GALR2: variants seen among roughly 807,000 people sequenced by gnomAD.
The protein encoded by GALR2 is galanin receptor type 2.
GALR2 carries 5 observed loss-of-function variants against 7.2 expected under a neutral mutation model. The observed-to-expected ratio is 0.69, with a 90% CI of 0.36 to 1.45. GALR2 has a LOEUF of 1.45. GALR2 is among the 40% of genes most tolerant of loss of function. The pLI, the probability that GALR2 is intolerant of heterozygous loss-of-function variation, is 0.03. For missense variants in GALR2, 561 were observed against 555.7 expected (o/e 1.01, Z -0.10); for synonymous variants, 300 against 263.9 (o/e 1.14, Z -1.32).
At chr17:76,072,541 T>C (rs758305640), upstream of GALR2, 53 of 1,552,224 alleles carry the variant, frequency 3.4e-5, no homozygotes, top group Non-Finnish European at 4.5e-5. This position sits in a 1 kb window ranked among gnomAD's most constrained non-coding sequence, Gnocchi z 4.5. Context: ...CGGGACGACC[T>C]GGGCGGGTGA....
chr17:76,074,325 G>A (rs1426032895), upstream of GALR2, among the ~76,000 whole-genome samples: 1 of 152,298 alleles, frequency 6.6e-6, no homozygotes, highest in East Asian at 1.9e-4. This position sits in a 1 kb window ranked among gnomAD's most constrained non-coding sequence, Gnocchi z 6.7. Context: ...CCCCTCATCC[G>A]CCTCCGCCCC....
At chr17:76,073,166 T>C (rs984103628), upstream of GALR2, among the ~76,000 whole-genome samples, 2 of 152,140 alleles carry the variant, frequency 1.3e-5, no homozygotes, top group African/African-American at 4.8e-5. Context: ...GACCTGGGAT[T>C]CCAATCCCCG....
In GALR2 at chr17:76,075,375, A is replaced by G; in HGVS notation, c.368+124A>G. On this transcript the variant is annotated intron_variant, in intron 1 of 1. Transcript: ENST00000329003. The surrounding 1 kb of genome is among the most constrained non-coding windows in gnomAD (Gnocchi z 5.9). ...CAGGACACTAAGAAGGCAGTGGAAG[A>G]CAAGCGGGCGCGGAGGAGGAAAAAG... 1 of 1,060,750 alleles carries G rather than the reference A, an allele frequency of 9.4e-7. No individual in the cohort carries two copies. Among genetic ancestry groups the G allele is most frequent in the Non-Finnish European group, 1.3e-6 (1 of 743,160 alleles). The allele number at this position is 1,060,750 out of a possible 1,614,324, so 65.7% of individuals were successfully genotyped here.
rs2066880593 is a variant in GALR2, at chr17:76,074,935, G to A, written c.52G>A (p.Gly18Arg). Residue 18 changes from glycine (G) to arginine (R), a missense_variant, in exon 1 of 2, where the codon GGG (glycine) becomes AGG (arginine). Gly to Arg is a moderately radical substitution (Grantham distance 125). Transcript: ENST00000329003. The surrounding 1 kb of genome is among the most constrained non-coding windows in gnomAD (Gnocchi z 6.7). ...CGGGAACGCGAGCCAGGCGGGCGGC[G>A]GGGGAGGCTGGCACCCCGAGGCGGT... ...GAGNASQAGGGGGWHPEAVIV... is the reference protein window; with the variant it reads ...GAGNASQAGGRGGWHPEAVIV... 4 of 1,560,782 alleles carry A rather than the reference G, an allele frequency of 2.6e-6. No individual in the cohort carries two copies. The highest frequency in any genetic ancestry group is 1.1e-5 in the South Asian group (1 of 87,038).
At position 76,076,780 on chromosome 17, in the gene GALR2, C is replaced by A. The variant is rs1215875140; in HGVS notation, c.513C>A (p.Asn171Lys). 16 of 1,606,124 alleles carry A rather than the reference C, an allele frequency of 1.0e-5. No individual in the cohort carries two copies. The highest frequency in any genetic ancestry group is 1.4e-5 in the Non-Finnish European group (16 of 1,179,874). The change falls in exon 2 of 2, where the codon AAC becomes AAA. Residue 171 changes from asparagine to lysine, a missense_variant. Physicochemically the swap from Asn to Lys is moderately conservative, Grantham distance 94. Coordinates refer to ENST00000329003, the MANE Select transcript of GALR2 (RefSeq NM_003857.4). The surrounding 1 kb of genome is among the most constrained non-coding windows in gnomAD (Gnocchi z 6.5). ...LSYYRQSQLA[N>K]LTVCHPAWSA... ...ACTACCGCCAGTCGCAGCTGGCCAACCTGACCGTGTGCCATCCCGCGTGGA... is the reference window on the plus strand; with the variant it reads ...ACTACCGCCAGTCGCAGCTGGCCAAACTGACCGTGTGCCATCCCGCGTGGA...
chr17:76,076,413 G>A lies in GALR2; in HGVS notation c.369-223G>A, dbSNP rs529074503. Among the ~76,000 whole-genome samples the A allele has an allele frequency of 2.7e-4, 41 of 152,296 alleles. No homozygotes were observed. The highest frequency in any genetic ancestry group is 1.4e-3 in the Admixed American group (21 of 15,286). On this transcript the variant is annotated intron_variant, in intron 1 of 1. Transcript: ENST00000329003. This position sits in a 1 kb window ranked among gnomAD's most constrained non-coding sequence, Gnocchi z 6.5. ...TTGAAGGCACACCTTTCCTGCTGCC[G>A]GGCCCGCCCCATTTCCAGGCTCCGC...
At chr17:76,072,432 ACCGCCGCCG>A, upstream of GALR2, 3 of 1,585,464 alleles carry the variant, frequency 1.9e-6, no homozygotes, top group Non-Finnish European at 2.6e-6. This position sits in a 1 kb window ranked among gnomAD's most constrained non-coding sequence, Gnocchi z 4.5. Flanking sequence ...CGCCACTGCC[ACCGCCGCCG>A]CCACTGCCGC....
rs766555264 is a variant in GALR2, at chr17:76,076,620, C to T, written c.369-16C>T. 2.1e-5 allele frequency: 32 copies of T among 1,548,800 alleles called. No individual in the cohort carries two copies. The highest frequency in any genetic ancestry group is 1.2e-4 in the Admixed American group (7 of 56,912). On this transcript the variant is annotated splice_polypyrimidine_tract_variant and intron_variant, in intron 1 of 1. Coordinates refer to ENST00000329003, the MANE Select transcript of GALR2 (RefSeq NM_003857.4). The surrounding 1 kb of genome is among the most constrained non-coding windows in gnomAD (Gnocchi z 6.5). Reference sequence around the variant, plus strand: ...TGCCCGCTCAGCCGACGTCTCCCTTCCCGGTCTGACCGCAGGTATCTGGCC... The same window carrying T: ...TGCCCGCTCAGCCGACGTCTCCCTTTCCGGTCTGACCGCAGGTATCTGGCC...
chr17:76,072,076 C>T (rs1242303050), upstream of GALR2: 2 of 755,498 alleles, frequency 2.6e-6, no homozygotes, highest in Admixed American at 6.5e-5. The surrounding 1 kb of genome is among the most constrained non-coding windows in gnomAD (Gnocchi z 4.5). Context: ...CCTGATATCC[C>T]AGTGCCACTG....
rs2066897460 is a variant in GALR2 at position 76,077,407 on chromosome 17, C to T, written c.1140C>T (p.Ser380=). ...GGCAGGGCCCAAAGGCAGGCGACAG[C>T]ATCCTGACGGTTGATGTGGCCTGAA... ...PSWQGPKAGD[S]ILTVDVA Residue 380 remains serine, a synonymous_variant, in exon 2 of 2, where the codon AGC becomes AGT. Coordinates refer to ENST00000329003, the MANE Select transcript of GALR2 (RefSeq NM_003857.4). The T allele has an allele frequency of 6.9e-7, 1 of 1,458,458 alleles. No homozygotes were observed. The highest frequency in any genetic ancestry group is 9.0e-7 in the Non-Finnish European group (1 of 1,111,724). The allele number at this position is 1,458,458 out of a possible 1,614,324, so 90.3% of individuals were successfully genotyped here.
rs778760826 is a variant in GALR2, at chr17:76,077,060, C to T, written c.793C>T (p.Pro265Ser). 1.9e-6 allele frequency: 3 copies of T among 1,612,922 alleles called. No individual in the cohort carries two copies. Among genetic ancestry groups the T allele is most frequent in the South Asian group, 2.2e-5 (2 of 91,090 alleles). ...LILCVWFGQFPLTRATYALRI... is the reference protein window; with the variant it reads ...LILCVWFGQFSLTRATYALRI... ...CCTCTGCGTGTGGTTCGGCCAGTTCCCGCTCACGCGCGCCACTTATGCGCT... is the reference window on the plus strand; with the variant it reads ...CCTCTGCGTGTGGTTCGGCCAGTTCTCGCTCACGCGCGCCACTTATGCGCT... The change falls in exon 2 of 2, where the codon CCG (proline) becomes TCG (serine). Residue 265 changes from proline to serine, a missense_variant. Coordinates refer to ENST00000329003, the MANE Select transcript of GALR2 (RefSeq NM_003857.4).
Position 76,075,107 on chromosome 17 carries a change from TC to T in GALR2, c.226del (p.Leu76CysfsTer86). On this transcript the variant is annotated frameshift_variant, in exon 1 of 2. Transcript: ENST00000329003. LOFTEE classifies it high-confidence loss of function. This position sits in a 1 kb window ranked among gnomAD's most constrained non-coding sequence, Gnocchi z 5.9. Reference sequence around the variant, plus strand: ...CTGGGCGTGGCCGACCTGTGTTTCATCCTGTGCTGCGTGCCCTTCCAGGCCA... The same window carrying T: ...CTGGGCGTGGCCGACCTGTGTTTCATCTGTGCTGCGTGCCCTTCCAGGCCA... The part of the protein sequence containing the change: ...LNLGVADLCF[I>X]LCCVPFQATI... The T allele has an allele frequency of 6.2e-7, 1 of 1,612,452 alleles. No individual in the cohort carries two copies. The highest frequency in any genetic ancestry group is 8.5e-7 in the Non-Finnish European group (1 of 1,180,012).
chr17:76,073,834 C>T (rs1465499161), upstream of GALR2, among the ~76,000 whole-genome samples: 1 of 151,498 alleles, frequency 6.6e-6, no homozygotes, highest in Non-Finnish European at 1.5e-5. Context: ...GGAGGGAAAA[C>T]GTTCAATGGG....
At chr17:76,072,573 G>A, upstream of GALR2, 2 of 1,506,528 alleles carry the variant, frequency 1.3e-6, no homozygotes, top group South Asian at 2.6e-5. The surrounding 1 kb of genome is among the most constrained non-coding windows in gnomAD (Gnocchi z 4.5). Flanking sequence ...GCCTGGCCGG[G>A]CTGATGGGAT....
At chr17:76,072,304 A>G (rs370673876), upstream of GALR2, 4 of 1,611,784 alleles carry the variant, frequency 2.5e-6, no homozygotes, top group Non-Finnish European at 3.4e-6. The surrounding 1 kb of genome is among the most constrained non-coding windows in gnomAD (Gnocchi z 4.5). Flanking sequence ...TTACTCTAGG[A>G]TACTCTCCAA....
At chr17:76,074,383 C>G (rs1418640214), upstream of GALR2, among the ~76,000 whole-genome samples, 4 of 152,224 alleles carry the variant, frequency 2.6e-5, no homozygotes, top group African/African-American at 9.6e-5. The surrounding 1 kb of genome is among the most constrained non-coding windows in gnomAD (Gnocchi z 6.7). Context: ...GAGGGCACCC[C>G]AGCCCCTCGA....
Position 76,075,007 on chromosome 17 carries a change from G to C in GALR2, c.124G>C (p.Gly42Arg). 1 of 1,608,484 alleles carries C rather than the reference G, an allele frequency of 6.2e-7. No individual in the cohort carries two copies. The highest frequency in any genetic ancestry group is 8.5e-7 in the Non-Finnish European group (1 of 1,179,882). Residue 42 changes from glycine (G) to arginine (R), a missense_variant, in exon 1 of 2, where the codon GGC becomes CGC. Physicochemically the swap from Gly to Arg is moderately radical, Grantham distance 125. Coordinates refer to ENST00000329003, the MANE Select transcript of GALR2 (RefSeq NM_003857.4). The surrounding 1 kb of genome is among the most constrained non-coding windows in gnomAD (Gnocchi z 5.9). ...FALIFLVGTVGNTLVLAVLLR... is the reference protein window; with the variant it reads ...FALIFLVGTVRNTLVLAVLLR... ...GCTCATCTTCCTCGTGGGCACCGTG[G>C]GCAACACGCTGGTGCTGGCGGTGCT... is the stretch of plus-strand genomic sequence containing the variant.
At chr17:76,074,455 C>T (rs1019444316), upstream of GALR2, among the ~76,000 whole-genome samples, 1 of 152,342 alleles carries the variant, frequency 6.6e-6, no homozygotes, top group South Asian at 2.1e-4. This position sits in a 1 kb window ranked among gnomAD's most constrained non-coding sequence, Gnocchi z 6.7. Context: ...GCGCGGAGTG[C>T]GAGGTCCGTG....
chr17:76,073,296 GA>G (rs1406531134), upstream of GALR2, among the ~76,000 whole-genome samples: 52 of 141,426 alleles, frequency 3.7e-4, no homozygotes, highest in African/African-American at 1.4e-3. Context: ...TTAAATGACG[GA>G]TTTTTTTTTT....
Sources: gnomAD v4.1 joint callset for allele counts (sites outside exome capture counted in the v4.1 genomes callset) on GRCh38, gnomAD v4.1.1 for gene constraint, Gnocchi (gnomAD v3.1) non-coding constraint, MANE v1.5 for transcripts, NCBI Gene and HGNC (gene_info 2026-07-23, HGNC 2026-07-21) for gene names.